PRKCI: variants seen among roughly 807,000 people sequenced by gnomAD.
PRKCI encodes the protein protein kinase C iota, also known as protein kinase C iota type.
PRKCI carries 43 observed loss-of-function variants against 84.0 expected under a neutral mutation model. The ratio of observed to expected loss-of-function variants is 0.51; its 90% CI spans 0.40 to 0.66. The LOEUF (loss-of-function observed/expected upper bound fraction) is 0.66, where lower values mean the gene tolerates loss of function less well. Ranked by LOEUF, PRKCI falls within the 30% of genes least tolerant of loss-of-function variation. PRKCI has a pLI of 0.00. For missense variants in PRKCI, 459 were observed against 745.6 expected (o/e 0.62, Z 4.48); for synonymous variants, 216 against 234.4 (o/e 0.92, Z 0.72).
intron 1 of PRKCI, among the ~76,000 whole-genome samples, chr3:170,230,883 G>A (rs1046568791): frequency 9.9e-5 from 15 of 150,952 alleles, no homozygotes; most frequent in African/African-American, 3.7e-4. Flanking sequence ...TACCACTATT[G>A]GTTTAATTAT....
At position 170,293,350 on chromosome 3, in the gene PRKCI, T is replaced by C. The variant is rs1734611604; in HGVS notation, c.1292-33T>C. 3 of 1,584,384 alleles carry C rather than the reference T, an allele frequency of 1.9e-6. No homozygotes were observed. In the East Asian group the frequency reaches 6.7e-5, roughly 35 times the overall value. On this transcript the variant is annotated intron_variant, in intron 13 of 17. Coordinates refer to ENST00000295797, the MANE Select transcript of PRKCI (RefSeq NM_002740.6). ...TACTAACTTTCAAGAATGCAAAGTG[T>C]ATAATTTATTGCTTTAAAATTTCTT...
At chr3:170,268,074 TTTGTTATTAAGTC>T (rs1414622561) in intron 5 of PRKCI, 74 bp downstream of exon 5, 1 of 1,239,084 alleles carries the variant, frequency 8.1e-7, no homozygotes, top group African/African-American at 1.5e-5. Context: ...AGAAAGGTAG[TTTGTTATTAAGTC>T]TTGTTATACA....
At chr3:170,239,658 A>G (rs1394380848) in intron 2 of PRKCI, among the ~76,000 whole-genome samples, 1 of 151,956 alleles carries the variant, frequency 6.6e-6, no homozygotes, top group African/African-American at 2.4e-5. Context: ...GTTTTAACTC[A>G]AATGTCATGT....
At chr3:170,273,372 A>C in intron 7 of PRKCI, 32 bp downstream of exon 7, 1 of 1,600,150 alleles carries the variant, frequency 6.2e-7, no homozygotes, top group Non-Finnish European at 8.6e-7. Flanking sequence ...CCCATTGTTC[A>C]TTCACAGAGT....
intron 2 of PRKCI, among the ~76,000 whole-genome samples, 164 bp downstream of exon 2, chr3:170,235,515 A>G (rs1288392700): frequency 2.6e-5 from 4 of 152,014 alleles, no homozygotes; most frequent in African/African-American, 9.7e-5. Context: ...ACTGAAGAGC[A>G]CAATCTTTTT....
chr3:170,269,139 T>A (rs1249881646), intron 5 of PRKCI, among the ~76,000 whole-genome samples: 2 of 152,128 alleles, frequency 1.3e-5, no homozygotes, highest in African/African-American at 4.8e-5. Context: ...GGTCTCAAAC[T>A]CCTGACCTCG....
rs1321696346 is a variant in PRKCI, at chr3:170,259,969, G to A, written c.224G>A (p.Gly75Glu). 4 of 1,587,254 alleles carry A rather than the reference G, an allele frequency of 2.5e-6. No individual in the cohort carries two copies. Among genetic ancestry groups the A allele is most frequent in the Non-Finnish European group, 3.4e-6 (4 of 1,167,738 alleles). ...LFTMKWIDEE[G>E]DPCTVSSQLE... ...TTTACTTTACTTTTGTGTTTTTTAG[G>A]AGACCCGTGTACAGTATCATCTCAG... The change falls in exon 3 of 18, where the codon GGA (glycine) becomes GAA (glutamate). Residue 75 changes from glycine (G) to glutamate (E), a missense_variant and splice_region_variant. Coordinates refer to ENST00000295797, the MANE Select transcript of PRKCI (RefSeq NM_002740.6).
At chr3:170,223,629 G>A (rs527486923) in intron 1 of PRKCI, among the ~76,000 whole-genome samples, 1 of 151,996 alleles carries the variant, frequency 6.6e-6, no homozygotes, top group East Asian at 1.9e-4. Flanking sequence ...ATTTTTTTTT[G>A]AGATAATTAT....
chr3:170,268,023 C>T (rs763479055), intron 5 of PRKCI, 23 bp downstream of exon 5: 8 of 1,569,012 alleles, frequency 5.1e-6, no homozygotes, highest in Admixed American at 1.7e-5. Context: ...TGTTGAATGT[C>T]GATAATGTGA....
intron 4 of PRKCI, among the ~76,000 whole-genome samples, chr3:170,265,698 T>C (rs1331066171): frequency 6.6e-6 from 1 of 151,748 alleles, no homozygotes; most frequent in Non-Finnish European, 1.5e-5. Context: ...GACTGCAAGC[T>C]CTGCCTCCTG....
chr3:170,276,188 A>G (rs1164656431), intron 8 of PRKCI, among the ~76,000 whole-genome samples: 1 of 151,956 alleles, frequency 6.6e-6, no homozygotes, highest in Non-Finnish European at 1.5e-5. Flanking sequence ...GTTCTCCCAA[A>G]TCAGCCTCTC....
At chr3:170,247,730 C>CAAAAAAA (rs72411481) in intron 2 of PRKCI, among the ~76,000 whole-genome samples, 3 of 27,892 alleles carry the variant, frequency 1.1e-4, no homozygotes, top group African/African-American at 4.3e-4. Flanking sequence ...AACTCTGTCT[C>CAAAAAAA]AAAAAAAAAA....
chr3:170,273,348 T>G lies in PRKCI; in HGVS notation c.646+8T>G. The G allele has an allele frequency of 6.2e-7, 1 of 1,612,374 alleles. No homozygotes were observed. The highest frequency in any genetic ancestry group is 8.5e-7 in the Non-Finnish European group (1 of 1,178,668). ...CTGACCATGCACAGACAGGTAAGAG[T>G]GGTGCTGGCACAACCCATTGTTCAT... On this transcript the variant is annotated splice_region_variant and intron_variant, in intron 7 of 17. Coordinates refer to ENST00000295797, the MANE Select transcript of PRKCI (RefSeq NM_002740.6).
At position 170,288,201 on chromosome 3, in the gene PRKCI, G is replaced by A. The variant is rs146662490; in HGVS notation, c.1203+3605G>A. 1.0e-3 allele frequency among the ~76,000 whole-genome samples: 153 copies of A among 151,488 alleles called. 1 individual carries two copies. The East Asian group carries it at 0.026, about 26-fold the overall frequency. ...GCGGAGCTTGCAGTGACCCGAGATC[G>A]CGCCACTGCATTCCAGCCTGGGCAA... is the stretch of plus-strand genomic sequence containing the variant. On this transcript the variant is annotated intron_variant, in intron 12 of 17. Transcript: ENST00000295797.
At chr3:170,258,361 A>C (rs1256895486) in intron 2 of PRKCI, among the ~76,000 whole-genome samples, 4 of 151,634 alleles carry the variant, frequency 2.6e-5, no homozygotes, top group Non-Finnish European at 5.9e-5. Context: ...GGTGGAGTTC[A>C]GTAGCACAAT....
Position 170,303,865 on chromosome 3 carries a change from C to CGT in PRKCI, c.*738_*739insGT, listed in dbSNP as rs1560189257. On this transcript the variant is annotated 3_prime_UTR_variant, in exon 18 of 18. Coordinates refer to ENST00000295797, the MANE Select transcript of PRKCI (RefSeq NM_002740.6). ...TACAAAAATTAGCTGGGCATGGTGG[C>CGT]ACATACCTGTAATCCCAGCTACTCG... The CGT allele has an allele frequency of 1.5e-4, 26 of 174,122 alleles. No individual in the cohort carries two copies. In the East Asian group the frequency reaches 2.6e-3, roughly 17 times the overall value. 10.8% of individuals were successfully genotyped at this position (174,122 alleles called of 1,614,324 possible).
intron 2 of PRKCI, among the ~76,000 whole-genome samples, chr3:170,248,371 T>TG (rs34352223): frequency 1.1e-3 from 149 of 131,080 alleles, no homozygotes; most frequent in Admixed American, 1.5e-3. Flanking sequence ...GTAGATATAT[T>TG]GGGGGGGGGA....
chr3:170,285,677 T>G (rs1285773895), intron 12 of PRKCI, among the ~76,000 whole-genome samples: 1 of 152,212 alleles, frequency 6.6e-6, no homozygotes, highest in Non-Finnish European at 1.5e-5. Flanking sequence ...AATCTTCACT[T>G]AAACTATGTT....
rs779029814 is a variant in PRKCI, at chr3:170,293,428, T to C, written c.1337T>C (p.Met446Thr). 6.2e-7 allele frequency: 1 copy of C among 1,613,720 alleles called. No individual in the cohort carries two copies. Among genetic ancestry groups the C allele is most frequent in the Non-Finnish European group, 8.5e-7 (1 of 1,179,662 alleles). The change falls in exon 14 of 18, where the codon ATG becomes ACG. Residue 446 changes from methionine (M) to threonine (T), a missense_variant. Transcript: ENST00000295797. ...GCTCTTGGAGTGCTCATGTTTGAGA[T>C]GATGGCAGGAAGGTCTCCATTTGAT... ...WWALGVLMFE[M>T]MAGRSPFDIV...
Sources: allele counts gnomAD v4.1 joint callset (sites outside exome capture counted in the v4.1 genomes callset), GRCh38; gene constraint gnomAD v4.1.1; transcripts MANE v1.5; gene names NCBI Gene and HGNC (gene_info 2026-07-23, HGNC 2026-07-21).